The following CLCA1 variants were observed in gnomAD, a reference collection of about 807,000 sequenced individuals.
CLCA1 encodes the protein calcium-activated chloride channel regulator 1.
In CLCA1, 59 loss-of-function variants were observed where a neutral mutation model predicts 85.6. The observed-to-expected ratio is 0.69, with a 90% confidence interval of 0.56 to 0.86. CLCA1 has a LOEUF of 0.86. CLCA1 is among the 40% of genes least tolerant of loss of function. The pLI is 0.00. For missense variants in CLCA1, 1,022 were observed against 1,101.4 expected (o/e 0.93, Z 1.02); for synonymous variants, 396 against 398.3 (o/e 0.99, Z 0.07).
intron 6 of CLCA1, among the ~76,000 whole-genome samples, chr1:86,485,979 T>C (rs112919771): frequency 1.3e-5 from 2 of 150,256 alleles, no homozygotes; most frequent in Non-Finnish European, 3.0e-5. Flanking sequence ...TTTACAATCA[T>C]GGTGGAAGGG....
rs544839630 is a variant in CLCA1 at position 86,494,446 on chromosome 1, C to T, written c.1940C>T (p.Ala647Val). The change falls in exon 11 of 14, where the codon GCA becomes GTA. Residue 647 changes from alanine (A) to valine (V), a missense_variant and splice_region_variant. Ala to Val is a moderately conservative substitution (Grantham distance 64). Transcript: ENST00000394711. ...TVTLELLDNG[A>V]GADATKDDGV... is the part of the protein sequence containing the mutation. The stretch of plus-strand genomic sequence containing the variant: ...ACCTTGGAACTACTGGATAATGGAG[C>T]AGGTAATCACCCAAGAAATTGGAAG... 11 of 1,613,562 alleles carry T rather than the reference C, an allele frequency of 6.8e-6. No homozygotes were observed. In the East Asian group the frequency reaches 2.0e-4, roughly 29 times the overall value.
At chr1:86,494,090 A>G (rs5744404) in intron 10 of CLCA1, 97 bp from the exon 11 acceptor site, 2 of 1,361,214 alleles carry the variant, frequency 1.5e-6, no homozygotes, top group African/African-American at 1.4e-5. Flanking sequence ...TGCTTCCAAC[A>G]TGCTTATATC....
intron 1 of CLCA1, among the ~76,000 whole-genome samples, chr1:86,473,124 G>A (rs1273573557): frequency 6.6e-6 from 1 of 152,128 alleles, no homozygotes; most frequent in African/African-American, 2.4e-5. Flanking sequence ...TTGTTAATGG[G>A]AAAACTGAGG....
At chr1:86,486,358 G>A (rs5744369) in intron 6 of CLCA1, among the ~76,000 whole-genome samples, 168 bp from the exon 7 acceptor site, 2,418 of 152,150 alleles carry the variant, frequency 0.016, 68 homozygotes, top group African/African-American at 0.056. Flanking sequence ...CTACCCAAAG[G>A]TGCTGCTAAA....
At chr1:86,475,356 G>A (rs1175143466) in intron 3 of CLCA1, among the ~76,000 whole-genome samples, 1 of 152,028 alleles carries the variant, frequency 6.6e-6, no homozygotes, top group Non-Finnish European at 1.5e-5. Flanking sequence ...AGCCTTCCTT[G>A]GAATTTACAT....
At chr1:86,470,424 G>T (rs898311020) in intron 1 of CLCA1, among the ~76,000 whole-genome samples, 2 of 152,176 alleles carry the variant, frequency 1.3e-5, no homozygotes, top group Non-Finnish European at 2.9e-5. Context: ...GCAAACATGT[G>T]ACCAGTGTGT....
At chr1:86,496,644 C>A (rs1648295610) in intron 12 of CLCA1, among the ~76,000 whole-genome samples, 1 of 152,132 alleles carries the variant, frequency 6.6e-6, no homozygotes, top group Non-Finnish European at 1.5e-5. Flanking sequence ...GTCATCTTTA[C>A]TTGGGTGTGT....
intron 5 of CLCA1, among the ~76,000 whole-genome samples, chr1:86,484,609 T>C (rs1647912260): frequency 6.6e-6 from 1 of 152,100 alleles, no homozygotes; most frequent in South Asian, 2.1e-4. Context: ...GGAAACAAGA[T>C]GGAAAAGTCA....
rs763661681 is a variant in CLCA1 at position 86,489,101 on chromosome 1, G to A, written c.1288G>A (p.Ala430Thr). The A allele has an allele frequency of 1.9e-6, 3 of 1,614,136 alleles. No individual in the cohort carries two copies. Among genetic ancestry groups the A allele is most frequent in the Non-Finnish European group, 2.5e-6 (3 of 1,180,012 alleles). ...GCFNEVKQSG[A>T]IIHTVALGPS... Reference sequence around the variant, plus strand: ...CTTTAACGAGGTCAAACAAAGTGGTGCCATCATCCACACAGTCGCTTTGGG... The same window carrying A: ...CTTTAACGAGGTCAAACAAAGTGGTACCATCATCCACACAGTCGCTTTGGG... The change falls in exon 8 of 14, where the codon GCC becomes ACC. Residue 430 changes from alanine (A) to threonine (T), a missense_variant. Transcript: ENST00000394711.
intron 11 of CLCA1, 75 bp downstream of exon 11, chr1:86,494,523 T>G: frequency 6.5e-7 from 1 of 1,532,402 alleles, no homozygotes; most frequent in Non-Finnish European, 8.9e-7. Context: ...GAGGGCATGG[T>G]CTGGTGAGGG....
At chr1:86,494,953 G>T (rs1414352990) in intron 11 of CLCA1, among the ~76,000 whole-genome samples, 1 of 151,418 alleles carries the variant, frequency 6.6e-6, no homozygotes, top group Non-Finnish European at 1.5e-5. Context: ...CTCTATATTA[G>T]CTTGCCCCAA....
intron 4 of CLCA1, among the ~76,000 whole-genome samples, chr1:86,481,546 CA>C (rs1647823299): frequency 6.6e-6 from 1 of 151,948 alleles, no homozygotes; most frequent in South Asian, 2.1e-4. Flanking sequence ...TTGATATATA[CA>C]AAGTGAAAAA....
Position 86,473,866 on chromosome 1 carries a change from T to G in CLCA1, c.441T>G (p.Tyr147Ter). 1.2e-6 allele frequency: 2 copies of G among 1,604,056 alleles called. No homozygotes were observed. The highest frequency in any genetic ancestry group is 1.7e-6 in the Non-Finnish European group (2 of 1,175,940). Reference sequence around the variant, plus strand: ...TTGCAGGAAAAAAGTTAGCTGAATATGGACCACAAGGTATGAAATATTCTA... The same window carrying G: ...TTGCAGGAAAAAAGTTAGCTGAATAGGGACCACAAGGTATGAAATATTCTA... ...DFIAGKKLAE[Y>*]GPQGRAFVHE... is the part of the protein sequence containing the mutation. Residue 147 changes from tyrosine to a stop codon, truncating the protein, a stop_gained, in exon 3 of 14, where the codon TAT becomes TAG. Coordinates refer to ENST00000394711, the MANE Select transcript of CLCA1 (RefSeq NM_001285.4). LOFTEE classifies it high-confidence loss of function.
intron 4 of CLCA1, among the ~76,000 whole-genome samples, chr1:86,476,935 G>A (rs996401351): frequency 1.1e-4 from 16 of 152,088 alleles, no homozygotes; most frequent in African/African-American, 3.9e-4. Flanking sequence ...TTTGAGAAAG[G>A]GTCTTACTCT....
intron 12 of CLCA1, among the ~76,000 whole-genome samples, chr1:86,496,822 C>T (rs1212271653): frequency 2.0e-5 from 3 of 152,154 alleles, no homozygotes; most frequent in Non-Finnish European, 4.4e-5. Flanking sequence ...CTCCACCTCC[C>T]GGGTCCAAGT....
rs1364878117 is a variant in CLCA1, at chr1:86,493,542, C to T, written c.1623C>T (p.Gly541=). The T allele has an allele frequency of 1.2e-6, 2 of 1,614,120 alleles. No individual in the cohort carries two copies. Among genetic ancestry groups the T allele is most frequent in the South Asian group, 2.2e-5 (2 of 91,066 alleles). Residue 541 remains glycine, a synonymous_variant, in exon 10 of 14, where the codon GGC becomes GGT. Coordinates refer to ENST00000394711, the MANE Select transcript of CLCA1 (RefSeq NM_001285.4). ...ATCCCAGTGGACAGAAGCAAGGTGG[C>T]TTTGTAGTGGACAAAAACACCAAAA... The part of the protein sequence containing the change: ...LWDPSGQKQG[G]FVVDKNTKMA...
intron 4 of CLCA1, among the ~76,000 whole-genome samples, chr1:86,479,709 C>A (rs1647764695): frequency 6.6e-6 from 1 of 152,072 alleles, no homozygotes; most frequent in Non-Finnish European, 1.5e-5. Flanking sequence ...CACAGTGAAA[C>A]CCTGTCTCTA....
chr1:86,493,634 A>C, intron 10 of CLCA1, 35 bp downstream of exon 10: 1 of 1,466,706 alleles, frequency 6.8e-7, no homozygotes, highest in South Asian at 1.2e-5. Flanking sequence ...CTCATAATTC[A>C]ACAAGATAAA....
At chr1:86,487,841 C>G (rs1648023100) in intron 7 of CLCA1, among the ~76,000 whole-genome samples, 1 of 152,210 alleles carries the variant, frequency 6.6e-6, no homozygotes, top group Non-Finnish European at 1.5e-5. Context: ...TCTGTCTCCT[C>G]TTTAGGATAT....
Sources: gnomAD v4.1 joint callset for allele counts (sites outside exome capture counted in the v4.1 genomes callset) on GRCh38, gnomAD v4.1.1 for gene constraint, MANE v1.5 for transcripts, NCBI Gene and HGNC (gene_info 2026-07-23, HGNC 2026-07-21) for gene names.